The following EEA1 variants were observed in gnomAD, a reference collection of about 807,000 sequenced individuals.
EEA1 encodes the protein early endosome antigen 1, 162kD.
EEA1 carries 111 observed loss-of-function variants against 209.2 expected under a neutral mutation model. The ratio of observed to expected loss-of-function variants is 0.53; its 90% CI spans 0.45 to 0.62. The LOEUF (loss-of-function observed/expected upper bound fraction) is 0.62. Ranked by LOEUF, EEA1 falls within the 20% of genes least tolerant of loss-of-function variation. The probability of loss-of-function intolerance (pLI) is 0.00; values close to 1 mark genes in which losing one functional copy is unlikely to be tolerated. For missense variants in EEA1, 1,343 were observed against 1,530.8 expected (o/e 0.88, Z 2.05); for synonymous variants, 536 against 540.6 (o/e 0.99, Z 0.12).
At position 92,782,101 on chromosome 12, in the gene EEA1, T is replaced by G; in HGVS notation, c.3185A>C (p.Asp1062Ala). 2 of 1,612,582 alleles carry G rather than the reference T, an allele frequency of 1.2e-6. No homozygotes were observed. The highest frequency in any genetic ancestry group is 1.7e-6 in the Non-Finnish European group (2 of 1,179,150). ...VEEKLSLAQE[D>A]LISNRNQIGN... ...AATTTGATTTCTGTTTGAAATCAAG[T>G]CCTCCTGTGCTAGAGAAAGCTTCTC... Residue 1062 changes from aspartate (D) to alanine (A), a missense_variant, in exon 23 of 29, where the codon GAC becomes GCC. Transcript: ENST00000322349.
intron 3 of EEA1, chr12:92,859,402 T>G (rs1878031429): frequency 1.6e-6 from 1 of 619,398 alleles, no homozygotes; most frequent in African/African-American, 1.9e-5. Flanking sequence ...TTGTAGTCAC[T>G]CTAGTCAATG....
chr12:92,783,717 G>C (rs1356884828), intron 22 of EEA1, among the ~76,000 whole-genome samples: 1 of 151,996 alleles, frequency 6.6e-6, no homozygotes, highest in Non-Finnish European at 1.5e-5. Flanking sequence ...GTAGATAATG[G>C]GTATGGTAGG....
chr12:92,784,518 T>A (rs565342731), intron 22 of EEA1, among the ~76,000 whole-genome samples: 78 of 152,228 alleles, frequency 5.1e-4, no homozygotes, highest in African/African-American at 1.8e-3. Flanking sequence ...AACCCTAACC[T>A]CTAACCACAA....
intron 21 of EEA1, among the ~76,000 whole-genome samples, chr12:92,795,192 A>C (rs976566050): frequency 5.3e-5 from 8 of 152,146 alleles, no homozygotes; most frequent in Admixed American, 1.3e-4. Flanking sequence ...CCCCTGTCTA[A>C]TTATCTGAGC....
intron 18 of EEA1, among the ~76,000 whole-genome samples, chr12:92,806,971 T>C (rs1452548589): frequency 6.6e-6 from 1 of 151,826 alleles, no homozygotes; most frequent in Non-Finnish European, 1.5e-5. Flanking sequence ...GGAGTCTCGC[T>C]CTGTCGCCCA....
chr12:92,884,290 C>G lies in EEA1; in HGVS notation c.117+7339G>C, dbSNP rs1879287918. On this transcript the variant is annotated intron_variant, in intron 2 of 28. Coordinates refer to ENST00000322349, the MANE Select transcript of EEA1 (RefSeq NM_003566.4). ...AATACCATACTGTGAATGGCCACAA[C>G]TGTGAAGTTAGGAAAGCCCTGTCAA... 3.3e-5 allele frequency: 46 copies of G among 1,383,138 alleles called. No individual in the cohort carries two copies. The South Asian group carries it at 4.7e-4, about 14-fold the overall frequency. The allele number at this position is 1,383,138 out of a possible 1,614,324, so 85.7% of individuals were successfully genotyped here. A position where few individuals can be genotyped will look rare whatever the true frequency, so the allele number is the denominator to read the frequency against.
rs1176053520 is a variant in EEA1, at chr12:92,771,459, TATA to T, written c.*4549_*4551del. 6.6e-5 allele frequency: 10 copies of T among 152,126 alleles called. No individual in the cohort carries two copies. In the East Asian group the frequency reaches 1.2e-3, roughly 18 times the overall value. The allele number at this position is 152,126 out of a possible 1,614,324, so 9.4% of individuals were successfully genotyped here. ...TTAGAATGGAGACTAATAACCTCTTTATAATAATGTCAGAAATTTAATAGAAGA... is the reference window on the plus strand; with the variant it reads ...TTAGAATGGAGACTAATAACCTCTTTATAATGTCAGAAATTTAATAGAAGA... On this transcript the variant is annotated 3_prime_UTR_variant, in exon 29 of 29. Transcript: ENST00000322349.
chr12:92,856,683 T>TTTTA (rs1877896286), intron 5 of EEA1, among the ~76,000 whole-genome samples: 1 of 151,604 alleles, frequency 6.6e-6, no homozygotes, highest in Non-Finnish European at 1.5e-5. Context: ...TTTGAACCTA[T>TTTTA]TTTTTTTAAC....
At chr12:92,779,368 T>G (rs1873799738) in intron 24 of EEA1, 68 bp from the exon 25 acceptor site, 2 of 1,405,616 alleles carry the variant, frequency 1.4e-6, no homozygotes, top group Admixed American at 5.9e-5. Context: ...TGGCTAAAAT[T>G]TATGCAATTT....
chr12:92,915,189 A>G (rs1481248546), intron 1 of EEA1, among the ~76,000 whole-genome samples: 2 of 152,178 alleles, frequency 1.3e-5, no homozygotes, highest in East Asian at 1.9e-4. Flanking sequence ...AAAGCTGTCC[A>G]GGCACAGTGG....
At chr12:92,824,562 TC>T (rs1419792491) in intron 13 of EEA1, among the ~76,000 whole-genome samples, 1 of 152,156 alleles carries the variant, frequency 6.6e-6, no homozygotes, top group Non-Finnish European at 1.5e-5. Flanking sequence ...AGCCCTGACT[TC>T]CCGTTATTCT....
chr12:92,819,976 T>C (rs1875970741), intron 13 of EEA1, among the ~76,000 whole-genome samples: 1 of 152,232 alleles, frequency 6.6e-6, no homozygotes, highest in South Asian at 2.1e-4. Flanking sequence ...CCATTCCATT[T>C]AAAATTTCAG....
chr12:92,839,349 C>T (rs1425042971), intron 10 of EEA1, among the ~76,000 whole-genome samples: 1 of 152,138 alleles, frequency 6.6e-6, no homozygotes, highest in Non-Finnish European at 1.5e-5. Context: ...TTTCAGATTC[C>T]ACATTGTCAC....
intron 21 of EEA1, among the ~76,000 whole-genome samples, chr12:92,795,863 G>C (rs1459712429): frequency 2.6e-5 from 4 of 151,814 alleles, no homozygotes; most frequent in Non-Finnish European, 4.4e-5. Context: ...CACAAATCTA[G>C]GTTTCTTAAC....
intron 20 of EEA1, 55 bp from the exon 21 acceptor site, chr12:92,799,141 T>C: frequency 7.1e-7 from 1 of 1,411,158 alleles, no homozygotes; most frequent in Non-Finnish European, 9.3e-7. Flanking sequence ...AAAGACGATG[T>C]ACTGAGTAAC....
intron 9 of EEA1, among the ~76,000 whole-genome samples, chr12:92,845,739 C>T (rs76061239): frequency 0.041 from 6,277 of 152,200 alleles, 428 homozygotes; most frequent in African/African-American, 0.14. Context: ...TGTACTTGTA[C>T]AGTCTGTTGT....
At chr12:92,915,470 AAAAAC>A (rs937587570) in intron 1 of EEA1, among the ~76,000 whole-genome samples, 6 of 151,526 alleles carry the variant, frequency 4.0e-5, no homozygotes, top group African/African-American at 1.5e-4. Context: ...AACCTGTCTT[AAAAAC>A]AAAACAAAAC....
intron 1 of EEA1, among the ~76,000 whole-genome samples, chr12:92,897,135 C>T (rs115636518): frequency 4.6e-4 from 70 of 152,256 alleles, no homozygotes; most frequent in African/African-American, 1.7e-3. Flanking sequence ...CTTCCTAGAA[C>T]TAAATTGAAA....
intron 2 of EEA1, among the ~76,000 whole-genome samples, chr12:92,876,576 G>C (rs1169104597): frequency 1.3e-5 from 2 of 151,956 alleles, no homozygotes; most frequent in African/African-American, 4.8e-5. Context: ...CTTGATCTTG[G>C]ACTTCTCATA....
Sources: gnomAD v4.1 joint callset for allele counts (sites outside exome capture counted in the v4.1 genomes callset) on GRCh38, gnomAD v4.1.1 for gene constraint, MANE v1.5 for transcripts, NCBI Gene and HGNC (gene_info 2026-07-23, HGNC 2026-07-21) for gene names.